The following COL27A1 variants were observed in gnomAD, a reference collection of about 807,000 sequenced individuals.
COL27A1 encodes collagen type XXVII alpha 1 chain, also known as collagen alpha-1(XXVII) chain.
In COL27A1, 106 loss-of-function variants were observed where a neutral mutation model predicts 251.3. That is an observed-to-expected ratio of 0.42 (90% CI 0.36 to 0.50). The LOEUF (loss-of-function observed/expected upper bound fraction) is 0.50, where lower values mean the gene tolerates loss of function less well. Ranked by LOEUF, COL27A1 falls within the 20% of genes least tolerant of loss-of-function variation. The pLI is 0.00. For synonymous variants in COL27A1, 1,000 were observed against 986.3 expected (o/e 1.01, Z -0.26); for missense variants, 2,325 against 2,522.8 (o/e 0.92, Z 1.68).
intron 57 of COL27A1, among the ~76,000 whole-genome samples, chr9:114,305,727 A>C (rs1331043018): frequency 2.6e-5 from 4 of 152,162 alleles, no homozygotes; most frequent in Non-Finnish European, 5.9e-5. Context: ...CCAGGCCTCT[A>C]TGGGGCTAGC....
At chr9:114,234,103 C>CCA (rs1832172723) in intron 16 of COL27A1, among the ~76,000 whole-genome samples, 1 of 151,970 alleles carries the variant, frequency 6.6e-6, no homozygotes, top group African/African-American at 2.4e-5. Context: ...CTGCTCCGAG[C>CCA]CCAGCTCCCT....
intron 7 of COL27A1, among the ~76,000 whole-genome samples, chr9:114,199,368 A>G (rs1356839019): frequency 2.0e-5 from 3 of 152,090 alleles, no homozygotes; most frequent in Admixed American, 1.3e-4. Context: ...TTCAGCCCAC[A>G]AAGTCAGTGT....
chr9:114,162,413 A>G (rs1209753940), intron 1 of COL27A1, among the ~76,000 whole-genome samples: 2 of 152,218 alleles, frequency 1.3e-5, no homozygotes, highest in East Asian at 1.9e-4. Context: ...AGATGTTCCA[A>G]TGACCAGGGC....
At chr9:114,237,802 A>G in intron 19 of COL27A1, 87 bp downstream of exon 19, 4 of 1,109,716 alleles carry the variant, frequency 3.6e-6, no homozygotes, top group Non-Finnish European at 4.1e-6. Flanking sequence ...ATGGGGAAAG[A>G]CTTGCTTTAG....
chr9:114,234,727 G>C (rs1588720863), intron 16 of COL27A1, among the ~76,000 whole-genome samples: 1 of 152,080 alleles, frequency 6.6e-6, no homozygotes, highest in Non-Finnish European at 1.5e-5. Flanking sequence ...TTTACACATA[G>C]TCTCAACAAG....
In COL27A1 at chr9:114,194,421, A is replaced by C; in HGVS notation, c.2034A>C (p.Pro678=). ...TGTTTCAGGGACAGAAAGGGGACCC[A>C]GGGCTCTCACCAGGAAAGGCCCACG... ...PPGAKGQKGD[P]GLSPGKAHDG... Residue 678 remains proline (P), a synonymous_variant, in exon 6 of 61, where the codon CCA becomes CCC. Coordinates refer to ENST00000356083, the MANE Select transcript of COL27A1 (RefSeq NM_032888.4). 1 of 1,613,296 alleles carries C rather than the reference A, an allele frequency of 6.2e-7. No homozygotes were observed. Among genetic ancestry groups the C allele is most frequent in the Non-Finnish European group, 8.5e-7 (1 of 1,179,674 alleles).
chr9:114,299,839 G>A lies in COL27A1; in HGVS notation c.4585-231G>A, dbSNP rs142914892. On this transcript the variant is annotated intron_variant, in intron 49 of 60. Coordinates refer to ENST00000356083, the MANE Select transcript of COL27A1 (RefSeq NM_032888.4). ...GCAGAGCCTCCTCTGTGGAATCCCTGAGCCGGGCTCCTCTTTCTCATCTGA... is the reference window on the plus strand; with the variant it reads ...GCAGAGCCTCCTCTGTGGAATCCCTAAGCCGGGCTCCTCTTTCTCATCTGA... Among the ~76,000 whole-genome samples the A allele has an allele frequency of 9.0e-4, 137 of 152,324 alleles. 3 individuals carry two copies. In the East Asian group the frequency reaches 0.025, roughly 28 times the overall value.
At chr9:114,259,949 A>C (rs1028745096) in intron 28 of COL27A1, among the ~76,000 whole-genome samples, 20 of 147,092 alleles carry the variant, frequency 1.4e-4, no homozygotes, top group Admixed American at 4.8e-4. Flanking sequence ...ATTAAAAGGC[A>C]TTCCTGTGGC....
intron 19 of COL27A1, among the ~76,000 whole-genome samples, chr9:114,238,536 G>C (rs1176804713): frequency 6.6e-6 from 1 of 152,228 alleles, no homozygotes; most frequent in Admixed American, 6.5e-5. Flanking sequence ...TCTGTGGATA[G>C]GCCGGACCCT....
intron 5 of COL27A1, among the ~76,000 whole-genome samples, chr9:114,193,836 G>T (rs935989474): frequency 3.9e-5 from 6 of 152,080 alleles, no homozygotes; most frequent in Non-Finnish European, 8.8e-5. Flanking sequence ...AGAGCCCCAG[G>T]GGAACAAGCC....
At chr9:114,179,268 C>A (rs145681275) in intron 4 of COL27A1, among the ~76,000 whole-genome samples, 1 of 152,150 alleles carries the variant, frequency 6.6e-6, no homozygotes, top group Admixed American at 6.5e-5. Flanking sequence ...CTCCCTGGGC[C>A]CAGGGCTCTG....
intron 57 of COL27A1, chr9:114,306,257 C>T (rs1399164630): frequency 2.6e-6 from 1 of 384,238 alleles, no homozygotes; most frequent in Non-Finnish European, 4.7e-6. Flanking sequence ...ATTCACGGGG[C>T]TCTGCCTGTC....
At position 114,306,930 on chromosome 9, in the gene COL27A1, G is replaced by C. The variant is rs1829093374; in HGVS notation, c.5107+242G>C. On this transcript the variant is annotated intron_variant, in intron 58 of 60. Coordinates refer to ENST00000356083, the MANE Select transcript of COL27A1 (RefSeq NM_032888.4). ...GCAGAAAAAGCTCCTGAGGCTGTAA[G>C]AGTCCCCACCCCTGGGGCCCATCCT... 8.0e-6 allele frequency: 4 copies of C among 502,096 alleles called. No homozygotes were observed. In the Admixed American group the frequency reaches 1.4e-4, roughly 18 times the overall value. The allele number at this position is 502,096 out of a possible 1,614,324, so 31.1% of individuals were successfully genotyped here.
chr9:114,250,070 C>T (rs1833421667), intron 24 of COL27A1, among the ~76,000 whole-genome samples: 1 of 152,226 alleles, frequency 6.6e-6, no homozygotes, highest in Admixed American at 6.5e-5. Context: ...TTCAGCAGAG[C>T]AGCAGGAGCT....
chr9:114,271,251 C>T (rs1004870499), intron 36 of COL27A1: 7 of 160,488 alleles, frequency 4.4e-5, no homozygotes, highest in African/African-American at 7.2e-5. Context: ...CATAGGACAA[C>T]GGAAGTTCTG....
At chr9:114,253,413 AG>A (rs1176684010) in intron 27 of COL27A1, among the ~76,000 whole-genome samples, 1 of 139,022 alleles carries the variant, frequency 7.2e-6, no homozygotes, top group African/African-American at 2.6e-5. Flanking sequence ...AAAGACAGAA[AG>A]AAGAGGAGAA....
Position 114,242,237 on chromosome 9 carries a change from T to C in COL27A1, c.2880+6T>C. 1 of 1,609,614 alleles carries C rather than the reference T, an allele frequency of 6.2e-7. No individual in the cohort carries two copies. The highest frequency in any genetic ancestry group is 1.1e-5 in the South Asian group (1 of 90,440). ...CAGGGGCCCCTGGCTTGGAGGTGAGTGTCACTGGCCTGGGGTAGGTGGCAT... is the reference window on the plus strand; with the variant it reads ...CAGGGGCCCCTGGCTTGGAGGTGAGCGTCACTGGCCTGGGGTAGGTGGCAT... On this transcript the variant is annotated splice_donor_region_variant and intron_variant, in intron 22 of 60. Coordinates refer to ENST00000356083, the MANE Select transcript of COL27A1 (RefSeq NM_032888.4).
Position 114,231,145 on chromosome 9 carries a change from T to C in COL27A1, c.2520+13T>C, listed in dbSNP as rs974885341. Reference sequence around the variant, plus strand: ...CAAGGGCATGAAGGTAAGCAAGGGATGTTCCCCCGATTCAGGCCTTGTCCA... The same window carrying C: ...CAAGGGCATGAAGGTAAGCAAGGGACGTTCCCCCGATTCAGGCCTTGTCCA... On this transcript the variant is annotated intron_variant, in intron 15 of 60. Coordinates refer to ENST00000356083, the MANE Select transcript of COL27A1 (RefSeq NM_032888.4). The C allele has an allele frequency of 1.9e-6, 3 of 1,613,112 alleles. No homozygotes were observed. Among genetic ancestry groups the C allele is most frequent in the Non-Finnish European group, 2.5e-6 (3 of 1,179,462 alleles).
In COL27A1 at chr9:114,289,295, G is replaced by T. The variant is rs1827743278; in HGVS notation, c.4206G>T (p.Glu1402Asp). ...WPGPKGSKGA[E>D]GPKGKQGKAG... ...GACCCAAAGGATCGAAAGGCGCAGA[G>T]GTAAGAGGGCCGGGGGTTCAGCAGG... Residue 1402 changes from glutamate (E) to aspartate (D), a missense_variant and splice_region_variant, in exon 45 of 61, where the codon GAG becomes GAT. Glu to Asp is a conservative substitution (Grantham distance 45). Coordinates refer to ENST00000356083, the MANE Select transcript of COL27A1 (RefSeq NM_032888.4). 1.3e-6 allele frequency: 2 copies of T among 1,585,876 alleles called. No individual in the cohort carries two copies. Among genetic ancestry groups the T allele is most frequent in the Non-Finnish European group, 1.7e-6 (2 of 1,169,338 alleles).
Sources: allele counts gnomAD v4.1 joint callset (sites outside exome capture counted in the v4.1 genomes callset), GRCh38; gene constraint gnomAD v4.1.1; transcripts MANE v1.5; gene names NCBI Gene and HGNC (gene_info 2026-07-23, HGNC 2026-07-21).